FER1L5: variants seen among roughly 807,000 people sequenced by gnomAD.
FER1L5 encodes fer-1-like protein 5.
FER1L5 carries 187 observed loss-of-function variants against 279.9 expected under a neutral mutation model. The observed-to-expected ratio is 0.67, with a 90% CI of 0.59 to 0.75. FER1L5 has a LOEUF of 0.75. Among genes scored for constraint, FER1L5 ranks in the 30% least tolerant of loss-of-function variants. FER1L5 has a pLI of 0.00. For missense variants in FER1L5, 2,091 were observed against 2,594.4 expected, an observed-to-expected ratio of 0.81 and a Z score of 4.21; for synonymous variants, 921 against 989.7, an observed-to-expected ratio of 0.93 and a Z score of 1.30.
chr2:96,694,547 C>A lies in FER1L5; in HGVS notation c.3741+83C>A. 1 of 1,121,140 alleles carries A rather than the reference C, an allele frequency of 8.9e-7. No individual in the cohort carries two copies. Among genetic ancestry groups the A allele is most frequent in the Non-Finnish European group, 1.2e-6 (1 of 818,444 alleles). The allele number at this position is 1,121,140 out of a possible 1,614,324, so 69.4% of individuals were successfully genotyped here. ...CGCTGCAGCCTTCTGCTGGTCCTCCCTGACTACTGGATCCAAAGCTCACAC... is the reference window on the plus strand; with the variant it reads ...CGCTGCAGCCTTCTGCTGGTCCTCCATGACTACTGGATCCAAAGCTCACAC... On this transcript the variant is annotated intron_variant, in intron 34 of 52. Coordinates refer to ENST00000624922, the MANE Select transcript of FER1L5 (RefSeq NM_001293083.2). This position sits in a 1 kb window ranked among gnomAD's most constrained non-coding sequence, Gnocchi z 4.6.
chr2:96,699,769 T>TGA, intron 43 of FER1L5, 49 bp downstream of exon 43: 1 of 1,605,914 alleles, frequency 6.2e-7, no homozygotes, highest in Non-Finnish European at 8.5e-7. Flanking sequence ...GGTGGAAGAG[T>TGA]GAGCCTACAG....
intron 31 of FER1L5, 71 bp downstream of exon 31, chr2:96,692,252 C>A: frequency 6.6e-7 from 1 of 1,506,560 alleles, no homozygotes; most frequent in African/African-American, 1.4e-5. Flanking sequence ...TGTGTTCCTG[C>A]AGCAGCCAAG....
At position 96,699,598 on chromosome 2, in the gene FER1L5, C is replaced by T; in HGVS notation, c.4659C>T (p.Ile1553=). The T allele has an allele frequency of 1.2e-6, 2 of 1,614,006 alleles. No individual in the cohort carries two copies. Among genetic ancestry groups the T allele is most frequent in the South Asian group, 2.2e-5 (2 of 91,076 alleles). ...CNIPLEKDLE[I]QLYDFDLFSP... is the part of the protein sequence containing the mutation. ...TACCCCTGGAGAAGGACCTAGAGAT[C>T]CAGCTCTATGACTTCGACCTATTTT... The change falls in exon 43 of 53, where the codon ATC becomes ATT. Residue 1553 remains isoleucine, a synonymous_variant. Transcript: ENST00000624922.
chr2:96,659,548 G>C (rs950963409), intron 9 of FER1L5, among the ~76,000 whole-genome samples: 3 of 145,980 alleles, frequency 2.1e-5, no homozygotes, highest in Non-Finnish European at 3.0e-5. Context: ...CTGGAGAGCA[G>C]TGGCGCAATC....
rs138246404 is a variant in FER1L5 at position 96,699,628 on chromosome 2, T to C, written c.4689T>C (p.Pro1563=). Residue 1563 remains proline, a synonymous_variant, in exon 43 of 53, where the codon CCT becomes CCC. Coordinates refer to ENST00000624922, the MANE Select transcript of FER1L5 (RefSeq NM_001293083.2). ...TCTATGACTTCGACCTATTTTCACC[T>C]GATGATAAGATAGGAACCACAGTCA... ...IQLYDFDLFS[P]DDKIGTTVID... 5.0e-6 allele frequency: 8 copies of C among 1,614,018 alleles called. No homozygotes were observed. In the East Asian group the frequency reaches 1.8e-4, roughly 36 times the overall value.
At position 96,686,772 on chromosome 2, in the gene FER1L5, C is replaced by T. The variant is rs528512922; in HGVS notation, c.2229+422C>T. Among the ~76,000 whole-genome samples, 9 of 148,608 alleles carry T rather than the reference C, an allele frequency of 6.1e-5. No individual in the cohort carries two copies. In the South Asian group the frequency reaches 1.5e-3, roughly 25 times the overall value. ...ACATGGGAGGCTGAGGCAGGAGAATCGCTTGAACCTGGGAGACGGAGGTTG... is the reference window on the plus strand; with the variant it reads ...ACATGGGAGGCTGAGGCAGGAGAATTGCTTGAACCTGGGAGACGGAGGTTG... On this transcript the variant is annotated intron_variant, in intron 23 of 52. Transcript: ENST00000624922.
At chr2:96,670,875 C>A (rs562793125) in intron 18 of FER1L5, among the ~76,000 whole-genome samples, 2 of 151,808 alleles carry the variant, frequency 1.3e-5, no homozygotes, top group South Asian at 2.1e-4. Flanking sequence ...GAGGCTCAGG[C>A]GGGCAGATCA....
intron 2 of FER1L5, 108 bp from the exon 3 acceptor site, chr2:96,646,956 C>A: frequency 8.5e-7 from 1 of 1,174,026 alleles, no homozygotes; most frequent in Middle Eastern, 2.0e-4. Context: ...GTTCCTCAGT[C>A]TTAGAGAAAT....
In FER1L5 at chr2:96,693,675, GC is replaced by G. The variant is rs1372519366; in HGVS notation, c.3463del (p.Arg1155ValfsTer31). The part of the protein sequence containing the change: ...PPLVVLELWQ[R>X]DFWGKESLWG... ...CGCTTGTGGTGCTGGAGCTGTGGCA[GC>G]GTGACTTCTGGGTAAGTTGGGCTGG... is the stretch of plus-strand genomic sequence containing the variant. On this transcript the variant is annotated frameshift_variant, in exon 32 of 53. Coordinates refer to ENST00000624922, the MANE Select transcript of FER1L5 (RefSeq NM_001293083.2). LOFTEE classifies it high-confidence loss of function. The G allele has an allele frequency of 6.4e-7, 1 of 1,551,434 alleles. No individual in the cohort carries two copies.
chr2:96,668,756 C>G lies in FER1L5; in HGVS notation c.1146C>G (p.Pro382=). The change falls in exon 15 of 53, where the codon CCC becomes CCG. Residue 382 remains proline, a synonymous_variant. Transcript: ENST00000624922. ...NQILTFRIQL[P]CLSSYIKFRV... ...CTCTCTCCTTCCCTCCACAGCTACC[C>G]TGCCTCTCCAGCTACATCAAGTTCA... The G allele has an allele frequency of 1.9e-6, 3 of 1,551,650 alleles. No individual in the cohort carries two copies. The highest frequency in any genetic ancestry group is 2.6e-6 in the Non-Finnish European group (3 of 1,146,956).
chr2:96,695,467 G>A (rs774496782), intron 34 of FER1L5, 42 bp from the exon 35 acceptor site: 30 of 1,531,304 alleles, frequency 2.0e-5, no homozygotes, highest in Middle Eastern at 3.6e-4. Flanking sequence ...TTACAGAGGC[G>A]CTGCCTGCCC....
chr2:96,692,164 A>C lies in FER1L5; in HGVS notation c.3275A>C (p.Gln1092Pro). Residue 1092 changes from glutamine to proline, a missense_variant, in exon 31 of 53, where the codon CAG becomes CCG. Coordinates refer to ENST00000624922, the MANE Select transcript of FER1L5 (RefSeq NM_001293083.2). ...CAGGCCCGGAACCTGGTGTCCAATC[A>C]GATCCTGACATTCCAAGGTAGGTGG... is the stretch of plus-strand genomic sequence containing the variant. ...IYQARNLVSN[Q>P]ILTFQGPFIR... 1 of 1,551,646 alleles carries C rather than the reference A, an allele frequency of 6.4e-7. No individual in the cohort carries two copies. The highest frequency in any genetic ancestry group is 1.2e-5 in the South Asian group (1 of 84,056).
rs1163749613 is a variant in FER1L5 at position 96,689,893 on chromosome 2, C to T, written c.2640+135C>T. 7.7e-6 allele frequency: 5 copies of T among 648,404 alleles called. No individual in the cohort carries two copies. The highest frequency in any genetic ancestry group is 2.7e-6 in the Non-Finnish European group (1 of 374,726). The allele number at this position is 648,404 out of a possible 1,614,324, so 40.2% of individuals were successfully genotyped here. The stretch of plus-strand genomic sequence containing the variant: ...CTATGTGTGGGGCCCCGGGTGAGCG[C>T]ACCAGCCCTCAGGCACTCTCTCTCA... On this transcript the variant is annotated intron_variant, in intron 26 of 52. Transcript: ENST00000624922. The surrounding 1 kb of genome is among the most constrained non-coding windows in gnomAD (Gnocchi z 4.6).
chr2:96,658,466 G>A (rs1347868005), intron 9 of FER1L5, among the ~76,000 whole-genome samples: 4 of 150,986 alleles, frequency 2.6e-5, no homozygotes, highest in Non-Finnish European at 3.0e-5. Flanking sequence ...ACAGGTGCAC[G>A]CCACCATGTC....
rs1029464583 is a variant in FER1L5, at chr2:96,650,182, G to T, written c.397G>T (p.Ala133Ser). Residue 133 changes from alanine to serine, a missense_variant and splice_region_variant, in exon 6 of 53, where the codon GCT becomes TCT. Transcript: ENST00000624922. The stretch of plus-strand genomic sequence containing the variant: ...CACCCTGCACTGTGTCTCCCCAGGA[G>T]CTGAAGACCACCTGGGCATAACGGC... ...MSNQDIEKTG[A>S]EDHLGITARE... 1.3e-6 allele frequency: 2 copies of T among 1,551,552 alleles called. No homozygotes were observed. Among genetic ancestry groups the T allele is most frequent in the African/African-American group, 2.7e-5 (2 of 73,062 alleles).
chr2:96,658,410 G>A (rs961198506), intron 9 of FER1L5, among the ~76,000 whole-genome samples: 10 of 150,424 alleles, frequency 6.6e-5, no homozygotes, highest in Non-Finnish European at 5.9e-5. Context: ...TCTGCCTCCC[G>A]GGTTCAAGTG....
chr2:96,685,927 G>A lies in FER1L5; in HGVS notation c.1896-13G>A. On this transcript the variant is annotated splice_polypyrimidine_tract_variant and intron_variant, in intron 21 of 52. Coordinates refer to ENST00000624922, the MANE Select transcript of FER1L5 (RefSeq NM_001293083.2). Reference sequence around the variant, plus strand: ...AGAGAGGTCCAGCCCCTGCTACCCTGTCCTGGCCACAGGCGCCCTCTGCCC... The same window carrying A: ...AGAGAGGTCCAGCCCCTGCTACCCTATCCTGGCCACAGGCGCCCTCTGCCC... 6.6e-7 allele frequency: 1 copy of A among 1,523,068 alleles called. No homozygotes were observed. The highest frequency in any genetic ancestry group is 8.8e-7 in the Non-Finnish European group (1 of 1,133,540). The allele number at this position is 1,523,068 out of a possible 1,614,324, so 94.3% of individuals were successfully genotyped here.
In FER1L5 at chr2:96,698,741, G is replaced by A. The variant is rs1340428676; in HGVS notation, c.4427G>A (p.Trp1476Ter). 25 of 1,576,978 alleles carry A rather than the reference G, an allele frequency of 1.6e-5. No individual in the cohort carries two copies. Among genetic ancestry groups the A allele is most frequent in the Non-Finnish European group, 2.2e-5 (25 of 1,161,996 alleles). ...AAGCCCCCGCTGCAGTTCTTGGTTT[G>A]GCCAGAGAGAGAGGACTTCCCCCAG... is the stretch of plus-strand genomic sequence containing the variant. The part of the protein sequence containing the change: ...APKPPLQFLV[W>*]PEREDFPQPC... Residue 1476 changes from tryptophan (W) to a stop codon, truncating the protein, a stop_gained, in exon 41 of 53, where the codon TGG becomes TAG. Transcript: ENST00000624922. LOFTEE classifies it high-confidence loss of function. This position sits in a 1 kb window ranked among gnomAD's most constrained non-coding sequence, Gnocchi z 5.5.
chr2:96,659,471 T>C (rs1461380642), intron 9 of FER1L5, among the ~76,000 whole-genome samples: 1 of 29,788 alleles, frequency 3.4e-5, no homozygotes, highest in Admixed American at 5.5e-4. Context: ...CTTTCTTTCT[T>C]TCTTTCTTTC....
Sources: gnomAD v4.1 joint callset for allele counts (sites outside exome capture counted in the v4.1 genomes callset) on GRCh38, gnomAD v4.1.1 for gene constraint, Gnocchi (gnomAD v3.1) non-coding constraint, MANE v1.5 for transcripts, NCBI Gene and HGNC (gene_info 2026-07-23, HGNC 2026-07-21) for gene names.